Variants in BBX observed in about 807,000 individuals in gnomAD.
BBX encodes the protein HMG box transcription factor BBX.
A neutral mutation model predicts 100.2 loss-of-function variants in BBX; 30 were observed. That is an observed-to-expected ratio of 0.30 (90% CI 0.22 to 0.41). BBX has a LOEUF of 0.41. BBX is among the 10% of genes least tolerant of loss of function. BBX has a pLI of 1.00. For missense variants in BBX, 1,023 were observed against 1,129.8 expected, an observed-to-expected ratio of 0.91 and a Z score of 1.35; for synonymous variants, 376 against 388.1, an observed-to-expected ratio of 0.97 and a Z score of 0.37.
rs1201519512 is a variant in BBX at position 107,772,929 on chromosome 3, G to A, written c.1208G>A (p.Cys403Tyr). 1 of 1,611,814 alleles carries A rather than the reference G, an allele frequency of 6.2e-7. No homozygotes were observed. The highest frequency in any genetic ancestry group is 2.2e-5 in the East Asian group (1 of 44,864). ...RKEELEEDHK[C>Y]SHFPDFSYSA... is the part of the protein sequence containing the mutation. ...GAAGAGTTAGAAGAAGATCACAAAT[G>A]TAGTCATTTTCCTGATTTTTCTTAT... is the stretch of plus-strand genomic sequence containing the variant. The change falls in exon 11 of 18, where the codon TGT becomes TAT. Residue 403 changes from cysteine (C) to tyrosine (Y), a missense_variant. Coordinates refer to ENST00000325805, the MANE Select transcript of BBX (RefSeq NM_001142568.3).
At chr3:107,587,236 A>G (rs1466894750) in intron 2 of BBX, among the ~76,000 whole-genome samples, 7 of 151,696 alleles carry the variant, frequency 4.6e-5, no homozygotes, top group Non-Finnish European at 8.8e-5. Flanking sequence ...CTTTGCAGCT[A>G]CTTTGGTAGC....
intron 2 of BBX, among the ~76,000 whole-genome samples, chr3:107,550,407 A>G (rs745311816): frequency 6.6e-6 from 1 of 152,084 alleles, no homozygotes. Flanking sequence ...TTGGAGTTGA[A>G]TGGGATTTGG....
intron 2 of BBX, among the ~76,000 whole-genome samples, chr3:107,625,429 C>T (rs2056096003): frequency 6.6e-6 from 1 of 152,146 alleles, no homozygotes; most frequent in South Asian, 2.1e-4. Flanking sequence ...AGGCATGCGC[C>T]ACTACACCCA....
At chr3:107,612,258 G>T (rs1245136376) in intron 2 of BBX, among the ~76,000 whole-genome samples, 1 of 152,014 alleles carries the variant, frequency 6.6e-6, no homozygotes, top group Admixed American at 6.6e-5. Context: ...GTTTGATGAT[G>T]TCATGTTTTC....
At chr3:107,738,382 C>T (rs1169088797) in intron 7 of BBX, among the ~76,000 whole-genome samples, 1 of 152,094 alleles carries the variant, frequency 6.6e-6, no homozygotes, top group Non-Finnish European at 1.5e-5. Context: ...TACCCACTTG[C>T]CTGGAGAATA....
At chr3:107,610,141 A>T (rs1353646895) in intron 2 of BBX, among the ~76,000 whole-genome samples, 1 of 152,152 alleles carries the variant, frequency 6.6e-6, no homozygotes, top group Non-Finnish European at 1.5e-5. Flanking sequence ...CCCACTTGTC[A>T]TTCAAGAAGA....
At chr3:107,749,770 A>T (rs1455630820) in intron 9 of BBX, among the ~76,000 whole-genome samples, 1 of 151,816 alleles carries the variant, frequency 6.6e-6, no homozygotes, top group Non-Finnish European at 1.5e-5. Context: ...AGTAGCTGGG[A>T]TTACAGGTGT....
chr3:107,621,583 A>G (rs2055770932), intron 2 of BBX, among the ~76,000 whole-genome samples: 1 of 152,198 alleles, frequency 6.6e-6, no homozygotes, highest in African/African-American at 2.4e-5. Flanking sequence ...TGGGTCTTTC[A>G]AAGACAGTTT....
chr3:107,566,226 T>C (rs1329879834), intron 2 of BBX, among the ~76,000 whole-genome samples: 2 of 149,930 alleles, frequency 1.3e-5, no homozygotes, highest in African/African-American at 2.5e-5. Flanking sequence ...CCTAATCATG[T>C]CATTTTCTTC....
chr3:107,757,014 T>G (rs2065529789), intron 10 of BBX, among the ~76,000 whole-genome samples: 1 of 152,116 alleles, frequency 6.6e-6, no homozygotes, highest in Non-Finnish European at 1.5e-5. Flanking sequence ...AAAATTTATT[T>G]GAACGAAGTG....
rs762548334 is a variant in BBX at position 107,774,669 on chromosome 3, C to T, written c.1916-50C>T. ...CTCGTGAAGCAACTAACATCATCTC[C>T]CCTCGCCCACCTGTATACCAAACAC... is the stretch of plus-strand genomic sequence containing the variant. On this transcript the variant is annotated intron_variant, in intron 11 of 17. Transcript: ENST00000325805. 12 of 1,583,076 alleles carry T rather than the reference C, an allele frequency of 7.6e-6. No individual in the cohort carries two copies. In the African/African-American group the frequency reaches 1.1e-4, roughly 14 times the overall value.
At chr3:107,642,519 G>A (rs561563593) in intron 2 of BBX, among the ~76,000 whole-genome samples, 40 of 152,302 alleles carry the variant, frequency 2.6e-4, no homozygotes, top group Admixed American at 2.0e-3. Flanking sequence ...CTCCTAGTTC[G>A]TGACCTATAC....
chr3:107,715,980 C>A (rs921139443), intron 4 of BBX, among the ~76,000 whole-genome samples: 1 of 152,174 alleles, frequency 6.6e-6, no homozygotes, highest in African/African-American at 2.4e-5. Flanking sequence ...GTTCTTCTTT[C>A]AAATAATCAT....
chr3:107,775,577 G>C (rs1168908941), intron 12 of BBX, among the ~76,000 whole-genome samples: 2 of 152,128 alleles, frequency 1.3e-5, no homozygotes, highest in African/African-American at 4.8e-5. Context: ...GAGGTTTCTT[G>C]TCGGCTCAAT....
At position 107,560,154 on chromosome 3, in the gene BBX, G is replaced by A. The variant is rs192431739; in HGVS notation, c.-84+33756G>A. ...ATTTTGCATATTAAATTGAAAGAAA[G>A]TTAAAAGCCTTACTACTTTCTAATT... is the stretch of plus-strand genomic sequence containing the variant. On this transcript the variant is annotated intron_variant, in intron 2 of 17. Transcript: ENST00000325805. Among the ~76,000 whole-genome samples, 45 of 151,582 alleles carry A rather than the reference G, an allele frequency of 3.0e-4. No homozygotes were observed. In the East Asian group the frequency reaches 8.3e-3, roughly 28 times the overall value.
chr3:107,544,972 CG>C (rs2049122723), intron 2 of BBX, among the ~76,000 whole-genome samples: 1 of 151,606 alleles, frequency 6.6e-6, no homozygotes, highest in Non-Finnish European at 1.5e-5. Flanking sequence ...AGCCGAGATC[CG>C]CCATTGTACT....
chr3:107,728,651 C>T lies in BBX; in HGVS notation c.406-114C>T, dbSNP rs529040015. 4.5e-5 allele frequency: 39 copies of T among 866,442 alleles called. No individual in the cohort carries two copies. In the African/African-American group the frequency reaches 6.5e-4, roughly 14 times the overall value. The allele number at this position is 866,442 out of a possible 1,614,324, so 53.7% of individuals were successfully genotyped here. A position where few individuals can be genotyped will look rare whatever the true frequency, so the allele number is the denominator to read the frequency against. ...CTTCTACAAGGAGAGCCACAGAAGT[C>T]ACTGAAATTGTTTTTCTCACTTGGT... On this transcript the variant is annotated intron_variant, in intron 5 of 17. Transcript: ENST00000325805.
intron 10 of BBX, among the ~76,000 whole-genome samples, chr3:107,767,766 C>T (rs1281789099): frequency 6.6e-6 from 1 of 152,184 alleles, no homozygotes; most frequent in African/African-American, 2.4e-5. Context: ...CCCAGAGTCT[C>T]TTTGCCCTGC....
chr3:107,563,613 A>G (rs1367952877), intron 2 of BBX, among the ~76,000 whole-genome samples: 2 of 152,218 alleles, frequency 1.3e-5, no homozygotes. Flanking sequence ...GTCAAAAACC[A>G]ATACATTTCA....
Sources: gnomAD v4.1 joint callset for allele counts (sites outside exome capture counted in the v4.1 genomes callset) on GRCh38, gnomAD v4.1.1 for gene constraint, MANE v1.5 for transcripts, NCBI Gene and HGNC (gene_info 2026-07-23, HGNC 2026-07-21) for gene names.